The following OR9Q1 variants were observed in gnomAD, a reference collection of about 807,000 sequenced individuals.
OR9Q1 encodes olfactory receptor family 9 subfamily Q member 1.
For missense variants in OR9Q1, 374 were observed against 378.8 expected (o/e 0.99, Z 0.11); for synonymous variants, 153 against 148.6 (o/e 1.03, Z -0.22).
intron 2 of OR9Q1, among the ~76,000 whole-genome samples, chr11:58,128,436 T>C (rs763883225): frequency 1.3e-5 from 2 of 152,048 alleles, no homozygotes; most frequent in Non-Finnish European, 2.9e-5. Context: ...TAGTATATAA[T>C]AAAGGTGGTA....
chr11:58,035,585 G>A (rs1253833420), intron 1 of OR9Q1, among the ~76,000 whole-genome samples: 2 of 152,196 alleles, frequency 1.3e-5, no homozygotes, highest in Non-Finnish European at 2.9e-5. Context: ...TATAGAATAT[G>A]GAAGAGGAAA....
intron 2 of OR9Q1, chr11:58,073,025 A>G (rs564048022): frequency 2.7e-4 from 58 of 210,922 alleles, no homozygotes; most frequent in Admixed American, 2.0e-3. Flanking sequence ...GGTTTTTCTT[A>G]CCTGCCTTTC....
Position 58,038,016 on chromosome 11 carries a change from C to T in OR9Q1, c.-93+13912C>T, listed in dbSNP as rs1022461861. Among the ~76,000 whole-genome samples, 7 of 17,998 alleles carry T rather than the reference C, an allele frequency of 3.9e-4. No homozygotes were observed. The Admixed American group carries it at 4.9e-3, about 12-fold the overall frequency. The allele number at this position is 17,998 out of a possible 152,430, so 11.8% of individuals were successfully genotyped here. A position where few individuals can be genotyped will look rare whatever the true frequency, so the allele number is the denominator to read the frequency against. ...AAAGTGCTGGGATTACAGGCATGAG[C>T]TACCGCGCCCGGCCAGAATAACTAT... On this transcript the variant is annotated intron_variant, in intron 1 of 2. Transcript: ENST00000335397.
intron 2 of OR9Q1, among the ~76,000 whole-genome samples, chr11:58,125,919 A>C (rs959496942): frequency 9.9e-5 from 15 of 152,204 alleles, no homozygotes; most frequent in Non-Finnish European, 1.8e-4. Context: ...ACTGGAACTC[A>C]GATCTTAGGA....
chr11:58,032,786 G>T (rs902400164), intron 1 of OR9Q1, among the ~76,000 whole-genome samples: 9 of 152,136 alleles, frequency 5.9e-5, no homozygotes, highest in African/African-American at 2.2e-4. Flanking sequence ...AATAGCTTCT[G>T]CACAGTAAAA....
intron 2 of OR9Q1, among the ~76,000 whole-genome samples, chr11:58,144,295 T>C (rs562275605): frequency 2.1e-4 from 32 of 151,394 alleles, no homozygotes; most frequent in South Asian, 6.3e-4. Context: ...TTTTTGTCCT[T>C]GCGATAGTTT....
intron 2 of OR9Q1, among the ~76,000 whole-genome samples, chr11:58,178,552 T>G (rs1323427403): frequency 6.6e-6 from 1 of 152,032 alleles, no homozygotes; most frequent in African/African-American, 2.4e-5. Context: ...TTGGAGAGGA[T>G]TTGATATCAG....
At chr11:58,176,873 AC>A (rs1854611681) in intron 2 of OR9Q1, among the ~76,000 whole-genome samples, 1 of 152,060 alleles carries the variant, frequency 6.6e-6, no homozygotes, top group Non-Finnish European at 1.5e-5. Context: ...TTGCCCCTAC[AC>A]CCTTAGGATT....
rs1853029603 is a variant in OR9Q1, at chr11:58,031,152, A to G, written c.-93+7048A>G. 3.1e-6 allele frequency: 5 copies of G among 1,613,894 alleles called. No individual in the cohort carries two copies. In the Admixed American group the frequency reaches 5.0e-5, roughly 16 times the overall value. ...AGACCCATGTATTTCTTCCTGACAC[A>G]CTTGTCCTGCCTTGAAATCTGGTAC... On this transcript the variant is annotated intron_variant, in intron 1 of 2. Transcript: ENST00000335397.
intron 2 of OR9Q1, among the ~76,000 whole-genome samples, chr11:58,132,044 A>G (rs909189127): frequency 6.6e-6 from 1 of 152,180 alleles, no homozygotes; most frequent in Admixed American, 6.5e-5. Flanking sequence ...TATATGTATC[A>G]TCTTCTTCAA....
chr11:58,034,775 TTCCCTCCC>T, intron 1 of OR9Q1, among the ~76,000 whole-genome samples: 6 of 116,552 alleles, frequency 5.1e-5, no homozygotes, highest in South Asian at 3.3e-4. Context: ...TCCTTCTTCC[TTCCCTCCC>T]TCCTTTCTCC....
At chr11:58,033,853 A>G (rs1263137711) in intron 1 of OR9Q1, among the ~76,000 whole-genome samples, 1 of 152,204 alleles carries the variant, frequency 6.6e-6, no homozygotes, top group Non-Finnish European at 1.5e-5. Context: ...TATTAGATAA[A>G]GTAAAATGCT....
intron 1 of OR9Q1, among the ~76,000 whole-genome samples, chr11:58,024,738 G>A (rs1852954031): frequency 6.6e-6 from 1 of 152,176 alleles, no homozygotes; most frequent in Non-Finnish European, 1.5e-5. Flanking sequence ...CCTGAACCTT[G>A]GAGAGGAAGC....
intron 1 of OR9Q1, among the ~76,000 whole-genome samples, chr11:58,048,865 C>T (rs1287342132): frequency 1.1e-5 from 1 of 89,932 alleles, no homozygotes; most frequent in Non-Finnish European, 2.2e-5. Flanking sequence ...ATACATTCCT[C>T]GACACATACA....
chr11:58,066,618 C>T (rs138790753), intron 2 of OR9Q1, among the ~76,000 whole-genome samples: 2 of 152,216 alleles, frequency 1.3e-5, no homozygotes, highest in East Asian at 1.9e-4. Context: ...CCTCTAGCAC[C>T]CTGTCAACTA....
rs914565858 is a variant in OR9Q1, at chr11:58,067,829, C to T, written c.-15+11882C>T. Among the ~76,000 whole-genome samples the T allele has an allele frequency of 3.9e-5, 6 of 152,228 alleles. No homozygotes were observed. In the East Asian group the frequency reaches 5.8e-4, roughly 15 times the overall value. On this transcript the variant is annotated intron_variant, in intron 2 of 2. Coordinates refer to ENST00000335397, the MANE Select transcript of OR9Q1 (RefSeq NM_001005212.4). The stretch of plus-strand genomic sequence containing the variant: ...TCTCCTGGATCCTGCCCCAGACCTG[C>T]ACTGACTTATAAGGTGGCCCTGCAG...
At chr11:58,037,900 T>C (rs1853124139) in intron 1 of OR9Q1, among the ~76,000 whole-genome samples, 1 of 145,164 alleles carries the variant, frequency 6.9e-6, no homozygotes, top group Non-Finnish European at 1.5e-5. Flanking sequence ...TTTTGTTTTT[T>C]TTTTTTTTTT....
At chr11:58,031,048 C>T (rs1853027906) in intron 1 of OR9Q1, 2 of 1,614,028 alleles carry the variant, frequency 1.2e-6, no homozygotes, top group African/African-American at 2.7e-5. Context: ...TCTTCATACT[C>T]TTCCTCACCA....
At chr11:58,153,328 T>C (rs1854372351) in intron 2 of OR9Q1, among the ~76,000 whole-genome samples, 1 of 152,136 alleles carries the variant, frequency 6.6e-6, no homozygotes, top group South Asian at 2.1e-4. Flanking sequence ...AAGAAACTGT[T>C]CAAAGAGGGG....
Sources: allele counts gnomAD v4.1 joint callset (sites outside exome capture counted in the v4.1 genomes callset), GRCh38; gene constraint gnomAD v4.1.1; transcripts MANE v1.5; gene names NCBI Gene and HGNC (gene_info 2026-07-23, HGNC 2026-07-21).